Variants in AFG2A observed in about 807,000 individuals in gnomAD.
AFG2A encodes the protein AAA ATPase AFG2A, also known as ATPase family gene 2 protein homolog A.
the AFG2A span, among the ~76,000 whole-genome samples, chr4:123,218,640 T>TATACATACATACATAC: frequency 1.4e-5 from 2 of 147,704 alleles, no homozygotes; most frequent in African/African-American, 5.0e-5. Flanking sequence ...CATAAACACA[T>TATACATACATACATAC]ATACATACAT....
At chr4:122,999,501 G>A in the AFG2A span, among the ~76,000 whole-genome samples, 1 of 152,058 alleles carries the variant, frequency 6.6e-6, no homozygotes, top group African/African-American at 2.4e-5. Context: ...TGTAAGGAAG[G>A]GATCCAGTTT....
At chr4:123,058,286 G>A in the AFG2A span, among the ~76,000 whole-genome samples, 2 of 152,184 alleles carry the variant, frequency 1.3e-5, no homozygotes, top group Non-Finnish European at 2.9e-5. Flanking sequence ...GTGGTGACAG[G>A]CAAGAGAGAA....
the AFG2A span, among the ~76,000 whole-genome samples, chr4:123,174,818 T>TC: frequency 1.7e-5 from 2 of 114,370 alleles, no homozygotes; most frequent in Non-Finnish European, 4.4e-5. Flanking sequence ...CTGATCTTTT[T>TC]TAAAAAAAAT....
the AFG2A span, among the ~76,000 whole-genome samples, chr4:123,285,314 C>G: frequency 6.2e-3 from 948 of 152,278 alleles, 13 homozygotes; most frequent in African/African-American, 0.022. Flanking sequence ...ATAGACCCAT[C>G]TCCCTAGTAT....
At chr4:123,133,663 C>G in the AFG2A span, among the ~76,000 whole-genome samples, 14 of 152,198 alleles carry the variant, frequency 9.2e-5, no homozygotes, top group Non-Finnish European at 1.0e-4. Flanking sequence ...TTTGGGTAAC[C>G]TAGACATTGT....
At chr4:123,216,306 G>A in the AFG2A span, among the ~76,000 whole-genome samples, 3,538 of 152,118 alleles carry the variant, frequency 0.023, 72 homozygotes, top group African/African-American at 0.055. Flanking sequence ...CTTCCTGGAA[G>A]GTGGTTAATA....
chr4:123,109,627 ACT>A, the AFG2A span, among the ~76,000 whole-genome samples: 1 of 151,858 alleles, frequency 6.6e-6, no homozygotes, highest in East Asian at 1.9e-4. Flanking sequence ...CCATTTTCTC[ACT>A]CTGATTCTCC....
the AFG2A span, among the ~76,000 whole-genome samples, chr4:123,286,592 C>G: frequency 6.6e-5 from 10 of 152,210 alleles, no homozygotes; most frequent in African/African-American, 2.2e-4. Context: ...CATGTTTTTA[C>G]TTACAAAACC....
chr4:123,247,078 T>C, the AFG2A span, among the ~76,000 whole-genome samples: 1 of 152,348 alleles, frequency 6.6e-6, no homozygotes, highest in Admixed American at 6.5e-5. Context: ...ATAATGATTT[T>C]GTTTTTAAAA....
the AFG2A span, among the ~76,000 whole-genome samples, chr4:123,074,095 A>ATTTTTTTTTTTTTTTTTTTTTTTTTT: frequency 9.8e-6 from 1 of 102,068 alleles, no homozygotes; most frequent in African/African-American, 3.4e-5. Flanking sequence ...CTCAGATAGT[A>ATTTTTTTTTTTTTTTTTTTTTTTTTT]TTTTTTTTTT....
At chr4:122,938,113 T>C in the AFG2A span, 1 of 1,579,826 alleles carries the variant, frequency 6.3e-7, no homozygotes, top group South Asian at 1.2e-5. Flanking sequence ...TCATTTTACT[T>C]GTTTGTTTTT....
chr4:123,086,650 A>G, the AFG2A span, among the ~76,000 whole-genome samples: 1 of 151,376 alleles, frequency 6.6e-6, no homozygotes, highest in Non-Finnish European at 1.5e-5. Flanking sequence ...TGCTACACCT[A>G]TTTGCTTCAT....
chr4:123,261,404 CA>C, the AFG2A span, among the ~76,000 whole-genome samples: 1 of 151,996 alleles, frequency 6.6e-6, no homozygotes, highest in African/African-American at 2.4e-5. Flanking sequence ...AAAAAAGCAA[CA>C]AAAAATAACA....
At chr4:123,252,176 A>G in the AFG2A span, among the ~76,000 whole-genome samples, 2 of 152,160 alleles carry the variant, frequency 1.3e-5, no homozygotes, top group African/African-American at 4.8e-5. Context: ...AGTGTTATCC[A>G]AATTTATTTA....
At chr4:123,104,138 A>G in the AFG2A span, among the ~76,000 whole-genome samples, 1 of 152,158 alleles carries the variant, frequency 6.6e-6, no homozygotes, top group African/African-American at 2.4e-5. Context: ...GTAACCCTGC[A>G]AGTCCATTGG....
the AFG2A span, among the ~76,000 whole-genome samples, chr4:123,237,128 A>G: frequency 1.3e-5 from 2 of 152,346 alleles, no homozygotes; most frequent in Admixed American, 6.5e-5. Context: ...TTTATAGGCT[A>G]CATCTGTTAT....
the AFG2A span, among the ~76,000 whole-genome samples, chr4:123,082,956 CTT>C: frequency 3.3e-5 from 5 of 152,014 alleles, no homozygotes; most frequent in Non-Finnish European, 7.4e-5. Context: ...ATTTGAAACA[CTT>C]TTTAATTGTT....
At chr4:123,011,536 C>T in the AFG2A span, among the ~76,000 whole-genome samples, 214 of 152,262 alleles carry the variant, frequency 1.4e-3, 5 homozygotes, top group South Asian at 0.028. Flanking sequence ...TAAAGAATGC[C>T]TGGACGTCAG....
At chr4:122,969,258 T>C in the AFG2A span, among the ~76,000 whole-genome samples, 1 of 151,410 alleles carries the variant, frequency 6.6e-6, no homozygotes, top group Non-Finnish European at 1.5e-5. Flanking sequence ...TTGATGCTTT[T>C]ATTGTTTTTC....
Sources: allele counts gnomAD v4.1 joint callset (sites outside exome capture counted in the v4.1 genomes callset), GRCh38; gene constraint gnomAD v4.1.1; transcripts MANE v1.5; gene names NCBI Gene and HGNC (gene_info 2026-07-23, HGNC 2026-07-21).